DLGAP1: variants seen among roughly 807,000 people sequenced by gnomAD.
DLGAP1 encodes the protein DLG associated protein 1.
DLGAP1 carries 11 observed loss-of-function variants against 90.8 expected under a neutral mutation model. The ratio of observed to expected loss-of-function variants is 0.12; its 90% confidence interval spans 0.08 to 0.20. DLGAP1 has a LOEUF of 0.20. DLGAP1 is among the 10% of genes least tolerant of loss of function. The probability of loss-of-function intolerance (pLI) is 1.00; values close to 1 mark genes in which losing one functional copy is unlikely to be tolerated. For synonymous variants in DLGAP1, 558 were observed against 540.7 expected (o/e 1.03, Z -0.44); for missense variants, 1,050 against 1,333.8 (o/e 0.79, Z 3.31).
At chr18:3,800,384 T>C (rs1268992515) in intron 5 of DLGAP1, among the ~76,000 whole-genome samples, 1 of 152,260 alleles carries the variant, frequency 6.6e-6, no homozygotes, top group African/African-American at 2.4e-5. Context: ...TAAAGAATAT[T>C]ACCCATTCAA....
chr18:4,282,173 G>A (rs1269348866), intron 1 of DLGAP1, among the ~76,000 whole-genome samples: 1 of 152,022 alleles, frequency 6.6e-6, no homozygotes, highest in East Asian at 1.9e-4. Flanking sequence ...GATCATCCTG[G>A]CTAACACGGT....
At chr18:4,305,868 G>C (rs1365453243) in intron 1 of DLGAP1, among the ~76,000 whole-genome samples, 2 of 151,710 alleles carry the variant, frequency 1.3e-5, no homozygotes, top group East Asian at 3.9e-4. Context: ...AGATAGTGTG[G>C]AACCTGGGAA....
Position 3,879,578 on chromosome 18 carries a change from T to C in DLGAP1, c.491A>G (p.Asn164Ser), listed in dbSNP as rs1352390098. ...SLEGPSKGSVNGGKASPDEAQ... is the reference protein window; with the variant it reads ...SLEGPSKGSVSGGKASPDEAQ... Reference sequence around the variant, plus strand: ...CTCGTCAGGGCTGGCCTTGCCCCCGTTGACGCTGCCCTTGGACGGCCCCTC... The same window carrying C: ...CTCGTCAGGGCTGGCCTTGCCCCCGCTGACGCTGCCCTTGGACGGCCCCTC... The change falls in exon 4 of 13, where the codon AAC becomes AGC. Residue 164 changes from asparagine to serine, a missense_variant. Physicochemically the swap from Asn to Ser is conservative, Grantham distance 46. Transcript: ENST00000315677. This position sits in a 1 kb window ranked among gnomAD's most constrained non-coding sequence, Gnocchi z 6.6. 7 of 1,599,824 alleles carry C rather than the reference T, an allele frequency of 4.4e-6. No homozygotes were observed. The highest frequency in any genetic ancestry group is 3.3e-5 in the Admixed American group (2 of 59,732).
intron 1 of DLGAP1, among the ~76,000 whole-genome samples, chr18:4,220,960 A>T (rs1054857219): frequency 2.0e-5 from 3 of 152,108 alleles, no homozygotes; most frequent in African/African-American, 7.2e-5. Flanking sequence ...ATACACAAAT[A>T]TTTACCACTA....
chr18:3,647,297 TATA>T (rs2059156599), intron 7 of DLGAP1, among the ~76,000 whole-genome samples: 1 of 144,292 alleles, frequency 6.9e-6, no homozygotes, highest in Non-Finnish European at 1.5e-5. Flanking sequence ...TGTCTATATA[TATA>T]ATAACATCAA....
At chr18:3,878,980 T>C (rs982371191) in intron 4 of DLGAP1, 132 bp downstream of exon 4, 22 of 715,036 alleles carry the variant, frequency 3.1e-5, no homozygotes, top group South Asian at 1.3e-4. Flanking sequence ...GGCACAGAGA[T>C]GCCGAATAAT....
intron 3 of DLGAP1, among the ~76,000 whole-genome samples, chr18:3,972,322 G>A (rs1031563213): frequency 2.0e-5 from 3 of 151,818 alleles, no homozygotes; most frequent in Non-Finnish European, 2.9e-5. Context: ...GACCAGCCTG[G>A]GCAACATGGC....
chr18:4,129,141 G>A (rs1196862783), intron 2 of DLGAP1, among the ~76,000 whole-genome samples: 4 of 152,086 alleles, frequency 2.6e-5, no homozygotes, highest in East Asian at 1.9e-4. Context: ...AGGGGCTACC[G>A]AAATGTGACA....
chr18:3,600,991 T>TATATAGATATATAG (rs2056973322), intron 7 of DLGAP1, among the ~76,000 whole-genome samples: 1 of 136,128 alleles, frequency 7.3e-6, no homozygotes, highest in African/African-American at 3.0e-5. Flanking sequence ...GATATAGATA[T>TATATAGATATATAG]ATAGATATAT....
chr18:4,123,056 C>T (rs974850797), intron 2 of DLGAP1, among the ~76,000 whole-genome samples: 5 of 152,182 alleles, frequency 3.3e-5, no homozygotes, highest in African/African-American at 1.2e-4. Flanking sequence ...TGTTCTGCTT[C>T]AGAAACCTTG....
chr18:3,605,269 G>A (rs1433761295), intron 7 of DLGAP1, among the ~76,000 whole-genome samples: 2 of 152,136 alleles, frequency 1.3e-5, no homozygotes, highest in Non-Finnish European at 2.9e-5. Context: ...ACGAGCTTAC[G>A]TTCGACCTCT....
intron 3 of DLGAP1, among the ~76,000 whole-genome samples, chr18:3,901,397 C>T (rs922129596): frequency 1.3e-5 from 2 of 152,078 alleles, no homozygotes; most frequent in African/African-American, 2.4e-5. Flanking sequence ...CACGGTTACC[C>T]GTAAGGACAA....
chr18:3,729,647 G>T lies in DLGAP1; in HGVS notation c.1351-272C>A, dbSNP rs9964335. The stretch of plus-strand genomic sequence containing the variant: ...TGGTCTCGAACTCCTGACCTCAAGT[G>T]ATCCACCCGCCTGGGCCTCCCAAAG... On this transcript the variant is annotated intron_variant, in intron 6 of 12. Coordinates refer to ENST00000315677, the MANE Select transcript of DLGAP1 (RefSeq NM_004746.4). This position sits in a 1 kb window ranked among gnomAD's most constrained non-coding sequence, Gnocchi z 6.2. Among the ~76,000 whole-genome samples the T allele has an allele frequency of 0.023, 3,456 of 152,140 alleles. 142 individuals carry two copies. Among genetic ancestry groups the T allele is most frequent in the African/African-American group, 0.079 (3,259 of 41,488 alleles).
intron 2 of DLGAP1, among the ~76,000 whole-genome samples, chr18:4,093,553 T>C (rs967737401): frequency 4.6e-5 from 7 of 151,004 alleles, no homozygotes; most frequent in Admixed American, 2.6e-4. Context: ...AAACAAAAGT[T>C]AAATCCAATC....
intron 1 of DLGAP1, among the ~76,000 whole-genome samples, chr18:4,438,835 C>T (rs2083462298): frequency 6.6e-6 from 1 of 152,138 alleles, no homozygotes. Context: ...AAACGCCTCT[C>T]TCATGGGAAA....
rs1320034882 is a variant in DLGAP1 at position 3,879,396 on chromosome 18, C to T, written c.673G>A (p.Gly225Ser). The stretch of plus-strand genomic sequence containing the variant: ...GAGGCCGAGCGGTCGGGGCACCTGC[C>T]CATGGTCATCACGCCCGAGGGGGCG... ...YHAPSGVMTMGRCPDRSASQY... is the reference protein window; with the variant it reads ...YHAPSGVMTMSRCPDRSASQY... Residue 225 changes from glycine (G) to serine (S), a missense_variant, in exon 4 of 13, where the codon GGC (glycine) becomes AGC (serine). Coordinates refer to ENST00000315677, the MANE Select transcript of DLGAP1 (RefSeq NM_004746.4). The surrounding 1 kb of genome is among the most constrained non-coding windows in gnomAD (Gnocchi z 6.6). 1 of 1,612,842 alleles carries T rather than the reference C, an allele frequency of 6.2e-7. No individual in the cohort carries two copies. The highest frequency in any genetic ancestry group is 1.3e-5 in the African/African-American group (1 of 74,944).
chr18:3,921,862 C>T (rs1430837389), intron 3 of DLGAP1, among the ~76,000 whole-genome samples: 1 of 152,158 alleles, frequency 6.6e-6, no homozygotes, highest in Non-Finnish European at 1.5e-5. Flanking sequence ...TGATGAACGT[C>T]AGGTGGCTGT....
chr18:4,148,737 C>G (rs777387719), intron 2 of DLGAP1, among the ~76,000 whole-genome samples: 3 of 152,106 alleles, frequency 2.0e-5, no homozygotes, highest in African/African-American at 7.2e-5. Flanking sequence ...ATTTCCTTCA[C>G]GAGGAAATCT....
At chr18:4,188,185 T>C (rs1332302512) in intron 1 of DLGAP1, among the ~76,000 whole-genome samples, 1 of 152,184 alleles carries the variant, frequency 6.6e-6, no homozygotes, top group Non-Finnish European at 1.5e-5. Context: ...CTCTAATTGG[T>C]TTCATCTTAA....
Sources: gnomAD v4.1 joint callset for allele counts (sites outside exome capture counted in the v4.1 genomes callset) on GRCh38, gnomAD v4.1.1 for gene constraint, Gnocchi (gnomAD v3.1) non-coding constraint, MANE v1.5 for transcripts, NCBI Gene and HGNC (gene_info 2026-07-23, HGNC 2026-07-21) for gene names.